Variants in URB1 observed in about 807,000 individuals in gnomAD.
URB1 encodes URB1 ribosome biogenesis factor, also known as nucleolar pre-ribosomal-associated protein 1.
Under a neutral mutation model 242.3 loss-of-function variants are expected in URB1, and 197 were observed. The observed-to-expected ratio is 0.81, with a 90% CI of 0.72 to 0.91. The LOEUF (loss-of-function observed/expected upper bound fraction) is 0.91. Ranked by LOEUF, URB1 falls within the 40% of genes least tolerant of loss-of-function variation. URB1 has a pLI of 0.00. For missense variants in URB1, 2,721 were observed against 2,860.5 expected (o/e 0.95, Z 1.11); for synonymous variants, 1,153 against 1,201.8 (o/e 0.96, Z 0.84).
intron 8 of URB1, among the ~76,000 whole-genome samples, chr21:32,369,975 CAAA>C (rs34377037): frequency 0.027 from 2,396 of 88,522 alleles, 58 homozygotes; most frequent in African/African-American, 0.088. Flanking sequence ...GTCTCCATCT[CAAA>C]AAAAAAAAAA....
At chr21:32,383,299 TC>T (rs2033546796) in intron 4 of URB1, 122 bp downstream of exon 4, 5 of 1,273,674 alleles carry the variant, frequency 3.9e-6, no homozygotes, top group African/African-American at 1.5e-5. Flanking sequence ...CACACACCTT[TC>T]TACATAGACA....
chr21:32,325,106 C>A, intron 31 of URB1, 123 bp downstream of exon 31: 2 of 1,262,956 alleles, frequency 1.6e-6, no homozygotes, highest in Non-Finnish European at 2.1e-6. Flanking sequence ...CAGCAGAGAT[C>A]TCCCGGCAAC....
intron 28 of URB1, among the ~76,000 whole-genome samples, chr21:32,334,670 G>C (rs892702464): frequency 2.6e-5 from 4 of 152,130 alleles, no homozygotes; most frequent in Non-Finnish European, 5.9e-5. Context: ...GTGCAAATGG[G>C]GGAAAGAGGT....
Position 32,354,952 on chromosome 21 carries a change from C to T in URB1, c.2152G>A (p.Ala718Thr). The T allele has an allele frequency of 4.5e-6, 7 of 1,552,218 alleles. No individual in the cohort carries two copies. The highest frequency in any genetic ancestry group is 6.1e-6 in the Non-Finnish European group (7 of 1,147,120). Residue 718 changes from alanine (A) to threonine (T), a missense_variant, in exon 17 of 39, where the codon GCA becomes ACA. Coordinates refer to ENST00000382751, the MANE Select transcript of URB1 (RefSeq NM_014825.3). ...CTTGCTTCTTGGACAAAGTCAGATGCTTTGTCTGTGTATGAATAGGGATTC... is the reference window on the plus strand; with the variant it reads ...CTTGCTTCTTGGACAAAGTCAGATGTTTTGTCTGTGTATGAATAGGGATTC... ...VANPYSYTDK[A>T]SDFVQEASML...
intron 5 of URB1, 59 bp from the exon 6 acceptor site, chr21:32,375,542 G>A (rs531405846): frequency 9.6e-6 from 10 of 1,045,516 alleles, no homozygotes; most frequent in South Asian, 3.2e-5. Flanking sequence ...GAGAATAGAC[G>A]AGAGAATATT....
chr21:32,388,638 C>T (rs371698793), intron 1 of URB1, among the ~76,000 whole-genome samples: 37 of 152,330 alleles, frequency 2.4e-4, no homozygotes, highest in African/African-American at 8.4e-4. Flanking sequence ...GTTACAGGAG[C>T]TCAGTCGGCA....
intron 7 of URB1, 26 bp from the exon 8 acceptor site, chr21:32,372,657 T>C (rs2033419041): frequency 1.3e-6 from 2 of 1,543,090 alleles, no homozygotes; most frequent in African/African-American, 1.4e-5. Context: ...AAAAATTCAA[T>C]GAAAATCCCA....
intron 30 of URB1, among the ~76,000 whole-genome samples, chr21:32,332,381 G>A (rs748150353): frequency 6.6e-6 from 1 of 150,456 alleles, no homozygotes; most frequent in Admixed American, 6.6e-5. Flanking sequence ...GATAAGCTAC[G>A]GATTGTTAGA....
intron 13 of URB1, among the ~76,000 whole-genome samples, chr21:32,360,466 T>C (rs926187753): frequency 2.6e-5 from 4 of 152,242 alleles, no homozygotes; most frequent in Non-Finnish European, 4.4e-5. Context: ...CAATAGCTCA[T>C]ATAAATTCCA....
chr21:32,355,337 G>T (rs2033206667), intron 16 of URB1, 112 bp downstream of exon 16: 1 of 936,044 alleles, frequency 1.1e-6, no homozygotes, highest in Non-Finnish European at 1.6e-6. Flanking sequence ...TAGGAAGTAA[G>T]CCAGGACGAG....
rs1182689035 is a variant in URB1 at position 32,361,926 on chromosome 21, A to G, written c.1605T>C (p.Asp535=). Residue 535 remains aspartate (D), a synonymous_variant, in exon 12 of 39, where the codon GAT becomes GAC. Coordinates refer to ENST00000382751, the MANE Select transcript of URB1 (RefSeq NM_014825.3). ...GAGCATCGCAGGCAGCCGGGGGCCC[A>G]TCGCTCCTTTTCTGCCCTTTCTTGT... ...QDDKKGQKRS[D]GPPAACDAHQ... is the part of the protein sequence containing the mutation. 8 of 1,551,288 alleles carry G rather than the reference A, an allele frequency of 5.2e-6. 1 individual carries two copies. The highest frequency in any genetic ancestry group is 1.7e-4 in the Middle Eastern group (1 of 5,942).
rs1182484680 is a variant in URB1 at position 32,349,439 on chromosome 21, A to T, written c.2877T>A (p.Asp959Glu). The T allele has an allele frequency of 1.3e-6, 2 of 1,550,990 alleles. No individual in the cohort carries two copies. The highest frequency in any genetic ancestry group is 2.7e-5 in the African/African-American group (2 of 72,994). ...AGTGGACAACCAGGCGCCTGAGGAG[A>T]TCCAGGAAGAGCTGCAGGAGGGGCG... ...VGPPLLQLFL[D>E]LLRRLVVHCE... Residue 959 changes from aspartate (D) to glutamate (E), a missense_variant, in exon 21 of 39, where the codon GAT (aspartate) becomes GAA (glutamate). By Grantham distance (45) the Asp-to-Glu change is conservative. Transcript: ENST00000382751.
intron 28 of URB1, among the ~76,000 whole-genome samples, chr21:32,335,045 C>T (rs1018071159): frequency 6.6e-6 from 1 of 152,180 alleles, no homozygotes; most frequent in Non-Finnish European, 1.5e-5. Context: ...AGGCCGCTCC[C>T]CAGAGCCCAG....
rs1392507495 is a variant in URB1, at chr21:32,366,773, G to C, written c.1198-18C>G. The C allele has an allele frequency of 4.5e-6, 7 of 1,550,822 alleles. No homozygotes were observed. The East Asian group carries it at 1.2e-4, about 27-fold the overall frequency. On this transcript the variant is annotated intron_variant, in intron 9 of 38. Transcript: ENST00000382751. ...TCATAGATCTAGGAAAAGCAAAAAA[G>C]AGATTTAGGTGGTGCTAGAAGTAAG...
At chr21:32,341,330 C>A in intron 25 of URB1, 136 bp downstream of exon 25, 1 of 817,234 alleles carries the variant, frequency 1.2e-6, no homozygotes, top group South Asian at 1.9e-5. Flanking sequence ...ACTTCTCCAA[C>A]TTCTATCTCT....
In URB1 at chr21:32,315,076, G is replaced by C. The variant is rs1193391506; in HGVS notation, c.6658C>G (p.Leu2220Val). The stretch of plus-strand genomic sequence containing the variant: ...CCCAGCCAGATGTCCTTTATGTAGA[G>C]AGACACTAGGAATGCTGCGGAGGCT... Reference protein sequence around the residue: ...TQASAAFLVSLYIKDIWLGAQ... With the variant: ...TQASAAFLVSVYIKDIWLGAQ... Residue 2220 changes from leucine (L) to valine (V), a missense_variant, in exon 39 of 39, where the codon CTC (leucine) becomes GTC (valine). Transcript: ENST00000382751. The C allele has an allele frequency of 6.5e-7, 1 of 1,540,578 alleles. No individual in the cohort carries two copies. The highest frequency in any genetic ancestry group is 2.0e-5 in the Admixed American group (1 of 50,308).
At chr21:32,349,559 G>A (rs2033132663) in intron 20 of URB1, 76 bp from the exon 21 acceptor site, 10 of 1,427,530 alleles carry the variant, frequency 7.0e-6, no homozygotes, top group South Asian at 3.0e-5. Flanking sequence ...TCCAGGGCCC[G>A]TGTTTTCAGA....
chr21:32,383,763 A>G (rs2033552412), intron 3 of URB1, among the ~76,000 whole-genome samples: 2 of 152,216 alleles, frequency 1.3e-5, no homozygotes, highest in Admixed American at 1.3e-4. Flanking sequence ...ACTAAGTAGG[A>G]TTAACAATAT....
At chr21:32,324,994 C>T (rs2032812513) in intron 31 of URB1, among the ~76,000 whole-genome samples, 1 of 152,196 alleles carries the variant, frequency 6.6e-6, no homozygotes, top group Non-Finnish European at 1.5e-5. Flanking sequence ...ACACACAACA[C>T]AAGAAAGCCT....
Sources: gnomAD v4.1 joint callset for allele counts (sites outside exome capture counted in the v4.1 genomes callset) on GRCh38, gnomAD v4.1.1 for gene constraint, MANE v1.5 for transcripts, NCBI Gene and HGNC (gene_info 2026-07-23, HGNC 2026-07-21) for gene names.